The following AKAP10 variants were observed in gnomAD, a reference collection of about 807,000 sequenced individuals.
AKAP10 encodes the protein A-kinase anchoring protein 10.
AKAP10 carries 24 observed loss-of-function variants against 80.8 expected under a neutral mutation model. The observed-to-expected ratio is 0.30, with a 90% CI of 0.22 to 0.42. AKAP10 has a LOEUF of 0.42. Ranked by LOEUF, AKAP10 falls within the 10% of genes least tolerant of loss-of-function variation. The pLI is 1.00. For missense variants in AKAP10, 661 were observed against 794.9 expected, an observed-to-expected ratio of 0.83 and a Z score of 2.03; for synonymous variants, 291 against 277.7, an observed-to-expected ratio of 1.05 and a Z score of -0.48.
chr17:19,949,844 C>T, intron 4 of AKAP10, among the ~76,000 whole-genome samples: 1 of 150,764 alleles, frequency 6.6e-6, no homozygotes, highest in East Asian at 1.9e-4. Context: ...TCTTTTTTAA[C>T]CTCATCCCTA....
intron 10 of AKAP10, among the ~76,000 whole-genome samples, chr17:19,927,602 C>A (rs966824350): frequency 6.6e-6 from 1 of 151,964 alleles, no homozygotes; most frequent in African/African-American, 2.4e-5. Flanking sequence ...AGTTTGAGAC[C>A]AGCCTGGGCA....
intron 12 of AKAP10, among the ~76,000 whole-genome samples, chr17:19,915,191 C>T (rs1036766494): frequency 1.3e-5 from 2 of 152,290 alleles, no homozygotes; most frequent in Middle Eastern, 3.4e-3. Context: ...CTTTCAAAAA[C>T]ACCATATACA....
chr17:19,948,429 T>C (rs1232885821), intron 4 of AKAP10, among the ~76,000 whole-genome samples: 1 of 152,026 alleles, frequency 6.6e-6, no homozygotes, highest in Non-Finnish European at 1.5e-5. Flanking sequence ...GGAAATCCCC[T>C]GGGTTGTTTT....
chr17:19,970,187 T>C (rs1434270159), intron 1 of AKAP10, among the ~76,000 whole-genome samples: 1 of 152,166 alleles, frequency 6.6e-6, no homozygotes, highest in Non-Finnish European at 1.5e-5. Flanking sequence ...TCAGTCTTCA[T>C]CTTCCCTCAT....
At chr17:19,951,217 T>TCTGGGAGGGAGGTGGGGGGTCAGCCC (rs2043207538) in intron 4 of AKAP10, among the ~76,000 whole-genome samples, 1 of 111,106 alleles carries the variant, frequency 9.0e-6, no homozygotes, top group Middle Eastern at 4.6e-3. Context: ...AGCCGCCCCG[T>TCTGGGAGGGAGGTGGGGGGTCAGCCC]CCGGGAGGGA....
At chr17:19,921,189 G>C (rs1363865300) in intron 11 of AKAP10, among the ~76,000 whole-genome samples, 1 of 149,552 alleles carries the variant, frequency 6.7e-6, no homozygotes, top group African/African-American at 2.5e-5. Flanking sequence ...TTTTTTTTGA[G>C]ACAGAGTCTC....
chr17:19,970,366 C>T (rs1034427168), intron 1 of AKAP10, among the ~76,000 whole-genome samples: 1 of 152,204 alleles, frequency 6.6e-6, no homozygotes, highest in Non-Finnish European at 1.5e-5. Context: ...TACTATCAAT[C>T]AGATCTCCTA....
At chr17:19,960,515 TA>T (rs2043335403) in intron 3 of AKAP10, among the ~76,000 whole-genome samples, 1 of 152,250 alleles carries the variant, frequency 6.6e-6, no homozygotes. Context: ...TCCAGGTGGT[TA>T]AATGTATCAA....
At chr17:19,942,948 C>T (rs935298396) in intron 5 of AKAP10, among the ~76,000 whole-genome samples, 2 of 151,964 alleles carry the variant, frequency 1.3e-5, no homozygotes, top group South Asian at 2.1e-4. Context: ...TCACCCAAGC[C>T]GGAGTCAGTG....
At position 19,962,287 on chromosome 17, in the gene AKAP10, CAT is replaced by C. The variant is rs1283274013; in HGVS notation, c.319+551_319+552del. 2.4e-3 allele frequency among the ~76,000 whole-genome samples: 316 copies of C among 131,612 alleles called. 6 individuals carry two copies. In the East Asian group the frequency reaches 0.056, roughly 23 times the overall value. The allele number at this position is 131,612 out of a possible 152,430, so 86.3% of individuals were successfully genotyped here. ...ACATACATACATACATACATACATA[CAT>C]ACATATACACACACACACACACACA... On this transcript the variant is annotated intron_variant, in intron 3 of 14. Transcript: ENST00000225737.
intron 5 of AKAP10, among the ~76,000 whole-genome samples, chr17:19,946,253 ATATATATATATATATATATATATTTTT>A (rs1567765725): frequency 0.016 from 323 of 20,808 alleles, 20 homozygotes; most frequent in African/African-American, 0.058. Context: ...ATATATATAT[ATATATATATATATATATATATATTTTT>A]TTTTTTTTTT....
At chr17:19,966,667 GC>G (rs1047462635) in intron 2 of AKAP10, among the ~76,000 whole-genome samples, 2 of 152,112 alleles carry the variant, frequency 1.3e-5, no homozygotes, top group African/African-American at 4.8e-5. Flanking sequence ...GAATTTTTTA[GC>G]CCAGTAGAGA....
chr17:19,908,903 G>A (rs1306995578), intron 14 of AKAP10, among the ~76,000 whole-genome samples: 2 of 152,216 alleles, frequency 1.3e-5, no homozygotes, highest in Non-Finnish European at 2.9e-5. Context: ...TTACAGGCGT[G>A]AGCCACTGCA....
chr17:19,911,661 C>T (rs1303049721), intron 12 of AKAP10, among the ~76,000 whole-genome samples: 1 of 151,380 alleles, frequency 6.6e-6, no homozygotes, highest in Non-Finnish European at 1.5e-5. Context: ...CATGGAGAAA[C>T]CCCGTCTCTA....
chr17:19,917,703 G>A (rs1008764226), intron 12 of AKAP10, among the ~76,000 whole-genome samples: 3 of 152,136 alleles, frequency 2.0e-5, no homozygotes, highest in Non-Finnish European at 4.4e-5. Context: ...GGGAGGCCAA[G>A]GTGGGCGGAT....
chr17:19,962,582 A>C (rs1189131012), intron 3 of AKAP10, among the ~76,000 whole-genome samples: 1 of 152,208 alleles, frequency 6.6e-6, no homozygotes, highest in Admixed American at 6.6e-5. Flanking sequence ...TAATAAAGTG[A>C]GACATCTTTT....
chr17:19,910,006 A>C (rs779274245), intron 12 of AKAP10, 28 bp from the exon 13 acceptor site: 2 of 1,604,334 alleles, frequency 1.2e-6, no homozygotes, highest in South Asian at 2.2e-5. Context: ...AATTGAATGT[A>C]CATTTCATGC....
intron 4 of AKAP10, among the ~76,000 whole-genome samples, chr17:19,954,267 A>G (rs76827853): frequency 0.012 from 1,863 of 152,296 alleles, 37 homozygotes; most frequent in African/African-American, 0.042. Flanking sequence ...ACATCATGAA[A>G]CAGAAAAAGG....
chr17:19,959,433 C>T (rs1427930486), intron 3 of AKAP10, among the ~76,000 whole-genome samples: 1 of 152,128 alleles, frequency 6.6e-6, no homozygotes, highest in African/African-American at 2.4e-5. Flanking sequence ...TCTTAGCAAA[C>T]TGCATTATTT....
Sources: gnomAD v4.1 joint callset for allele counts (sites outside exome capture counted in the v4.1 genomes callset) on GRCh38, gnomAD v4.1.1 for gene constraint, MANE v1.5 for transcripts, NCBI Gene and HGNC (gene_info 2026-07-23, HGNC 2026-07-21) for gene names.